The following SUZ12 variants were observed in gnomAD, a reference collection of about 807,000 sequenced individuals.
SUZ12 encodes the protein SUZ12 polycomb repressive complex 2 subunit.
In SUZ12, 17 loss-of-function variants were observed where a neutral mutation model predicts 87.3. The ratio of observed to expected loss-of-function variants is 0.19; its 90% CI spans 0.13 to 0.29. SUZ12 has a LOEUF of 0.29. SUZ12 is among the 10% of genes least tolerant of loss of function. SUZ12 has a pLI of 1.00. For missense variants in SUZ12, 526 were observed against 912.2 expected, an observed-to-expected ratio of 0.58 and a Z score of 5.45; for synonymous variants, 253 against 312.4, an observed-to-expected ratio of 0.81 and a Z score of 2.01.
chr17:31,972,383 G>GTATATATATATATA (rs71142099), intron 5 of SUZ12, among the ~76,000 whole-genome samples: 2 of 144,682 alleles, frequency 1.4e-5, no homozygotes, highest in African/African-American at 5.0e-5. Context: ...GTTTGTGTGT[G>GTATATATATATATA]TATATATATA....
At chr17:31,953,919 G>A (rs1233036739) in intron 4 of SUZ12, among the ~76,000 whole-genome samples, 16 of 151,424 alleles carry the variant, frequency 1.1e-4, no homozygotes, top group African/African-American at 3.9e-4. Flanking sequence ...TCACCATGTT[G>A]GCCAGGATGG....
chr17:31,955,243 C>T (rs1229745391), intron 4 of SUZ12, among the ~76,000 whole-genome samples: 3 of 152,080 alleles, frequency 2.0e-5, no homozygotes, highest in Admixed American at 6.6e-5. Context: ...GCTGGGACTA[C>T]AGGCACATGC....
Position 31,937,474 on chromosome 17 carries a change from G to A in SUZ12, c.228G>A (p.Met76Ile). The A allele has an allele frequency of 2.6e-6, 4 of 1,541,242 alleles. No individual in the cohort carries two copies. The South Asian group carries it at 4.8e-5, about 18-fold the overall frequency. Residue 76 changes from methionine to isoleucine, a missense_variant, in exon 1 of 16, where the codon ATG becomes ATA. Physicochemically the swap from Met to Ile is conservative, Grantham distance 10 (BLOSUM62 1). This residue lies in a region of SUZ12 where 18 missense variants were observed against 62.3 expected (regional missense o/e 0.29). Coordinates refer to ENST00000322652, the MANE Select transcript of SUZ12 (RefSeq NM_015355.4). ...AAVLPVKKPK[M>I]EHVQADHELF... Reference sequence around the variant, plus strand: ...TGTTACCGGTGAAGAAGCCGAAAATGGAGCACGTCCAGGCTGACCACGAGC... The same window carrying A: ...TGTTACCGGTGAAGAAGCCGAAAATAGAGCACGTCCAGGCTGACCACGAGC...
chr17:31,972,546 G>C (rs1908505420), intron 5 of SUZ12, among the ~76,000 whole-genome samples: 1 of 151,986 alleles, frequency 6.6e-6, no homozygotes, highest in African/African-American at 2.4e-5. Context: ...GAGGTAGCTA[G>C]GACTACAGGC....
chr17:31,943,099 C>T (rs1408873711), intron 3 of SUZ12, among the ~76,000 whole-genome samples: 1 of 152,158 alleles, frequency 6.6e-6, no homozygotes, highest in African/African-American at 2.4e-5. Context: ...GAATAGAGAG[C>T]GTGCATGAGC....
intron 4 of SUZ12, among the ~76,000 whole-genome samples, chr17:31,949,676 C>CGTT (rs1906839689): frequency 3.2e-4 from 4 of 12,372 alleles, no homozygotes; most frequent in African/African-American, 1.4e-3. Context: ...CCCCCCCCCC[C>CGTT]TTTTTTTTTT....
intron 8 of SUZ12, 114 bp downstream of exon 8, chr17:31,976,728 T>C: frequency 1.2e-6 from 1 of 838,254 alleles, no homozygotes; most frequent in South Asian, 2.5e-5. Flanking sequence ...TTTTTATTCT[T>C]ACGGATGAAA....
intron 10 of SUZ12, 94 bp downstream of exon 10, chr17:31,988,591 A>AT: frequency 8.3e-7 from 1 of 1,209,772 alleles, no homozygotes. Flanking sequence ...GCTTTATGTG[A>AT]TTCTTCTTTT....
intron 4 of SUZ12, among the ~76,000 whole-genome samples, chr17:31,962,416 T>C (rs75346623): frequency 0.17 from 25,869 of 148,874 alleles, no homozygotes; most frequent in African/African-American, 0.32. Flanking sequence ...CATGGCAAAA[T>C]CCTGACTCCA....
chr17:31,984,984 A>C (rs1350755896), intron 9 of SUZ12, among the ~76,000 whole-genome samples: 1 of 152,078 alleles, frequency 6.6e-6, no homozygotes, highest in Admixed American at 6.6e-5. Flanking sequence ...GTCAAACCAC[A>C]TCTCTACCAA....
chr17:31,990,802 C>T (rs1909681720), intron 10 of SUZ12, among the ~76,000 whole-genome samples: 1 of 151,996 alleles, frequency 6.6e-6, no homozygotes, highest in Non-Finnish European at 1.5e-5. Flanking sequence ...GGCTGGAGTG[C>T]AGTGGTGCCA....
chr17:31,942,748 A>C (rs1165851830), intron 3 of SUZ12, among the ~76,000 whole-genome samples: 3 of 152,190 alleles, frequency 2.0e-5, no homozygotes, highest in Non-Finnish European at 4.4e-5. Context: ...CTGGAGGTGG[A>C]AGACAGCTTA....
Position 31,968,903 on chromosome 17 carries a change from T to C in SUZ12, c.505+2707T>C, listed in dbSNP as rs984420236. ...TTTTTCCTATCTTCATGACAAAATA[T>C]ATAAAGTTCAACAATTGCTCAGATT... On this transcript the variant is annotated intron_variant, in intron 5 of 15. Transcript: ENST00000322652. 9.2e-5 allele frequency among the ~76,000 whole-genome samples: 14 copies of C among 152,268 alleles called. 1 individual carries two copies. The East Asian group carries it at 1.5e-3, about 17-fold the overall frequency.
intron 10 of SUZ12, among the ~76,000 whole-genome samples, chr17:31,992,534 C>T (rs1435163275): frequency 2.0e-5 from 3 of 151,934 alleles, no homozygotes; most frequent in African/African-American, 4.8e-5. Context: ...CTCAGCCTCC[C>T]GAGTAGCTGG....
At chr17:31,973,264 A>G (rs1908541122) in intron 6 of SUZ12, 33 bp downstream of exon 6, 2 of 1,330,090 alleles carry the variant, frequency 1.5e-6, no homozygotes, top group Non-Finnish European at 2.1e-6. Flanking sequence ...GGTAGATTAA[A>G]TGGAATAATT....
Position 31,999,223 on chromosome 17 carries a change from C to G in SUZ12, c.*220C>G, listed in dbSNP as rs1459785745. 8.4e-6 allele frequency: 3 copies of G among 356,124 alleles called. No individual in the cohort carries two copies. Among genetic ancestry groups the G allele is most frequent in the African/African-American group, 6.3e-5 (3 of 47,888 alleles). 22.1% of individuals were successfully genotyped at this position (356,124 alleles called of 1,614,324 possible). On this transcript the variant is annotated 3_prime_UTR_variant, in exon 16 of 16. Transcript: ENST00000322652. ...ATTGATGTCATTAAAACATTCTGTA[C>G]TTTAAGCATGAAAAGCAATATTTCA...
intron 5 of SUZ12, 114 bp from the exon 6 acceptor site, chr17:31,973,032 T>G: frequency 4.0e-5 from 38 of 946,346 alleles, no homozygotes; most frequent in Middle Eastern, 6.8e-4. Flanking sequence ...AGTGAACTTT[T>G]GAGAAGTCTT....
At chr17:31,996,168 C>T (rs1346476390) in intron 14 of SUZ12, among the ~76,000 whole-genome samples, 1 of 152,156 alleles carries the variant, frequency 6.6e-6, no homozygotes, top group East Asian at 1.9e-4. Flanking sequence ...CAAGATTGCA[C>T]CACTGCACTC....
chr17:31,954,053 T>C (rs909225767), intron 4 of SUZ12, among the ~76,000 whole-genome samples: 3 of 151,410 alleles, frequency 2.0e-5, no homozygotes, highest in Admixed American at 2.0e-4. Context: ...TGTGCCTTTT[T>C]TGACTATTTA....
Sources: allele counts gnomAD v4.1 joint callset (sites outside exome capture counted in the v4.1 genomes callset), GRCh38; gene constraint gnomAD v4.1.1; regional missense constraint gnomAD v4.1.1; transcripts MANE v1.5; gene names NCBI Gene and HGNC (gene_info 2026-07-23, HGNC 2026-07-21).